Variants in THEMIS observed in about 807,000 individuals in gnomAD.
THEMIS encodes the protein protein THEMIS.
In THEMIS, 37 loss-of-function variants were observed where a neutral mutation model predicts 52.6. The ratio of observed to expected loss-of-function variants is 0.70; its 90% CI spans 0.54 to 0.93. THEMIS has a LOEUF of 0.93. THEMIS is among the 40% of genes least tolerant of loss of function. The pLI, the probability that THEMIS is intolerant of heterozygous loss-of-function variation, is 0.00. For missense variants in THEMIS, 808 were observed against 763.1 expected (o/e 1.06, Z -0.69); for synonymous variants, 292 against 272.7 (o/e 1.07, Z -0.70).
chr6:127,810,447 A>G (rs1019052418), intron 4 of THEMIS, among the ~76,000 whole-genome samples: 1 of 152,184 alleles, frequency 6.6e-6, no homozygotes, highest in African/African-American at 2.4e-5. Flanking sequence ...ATGTGGGCAG[A>G]GCCCTCATTA....
rs187682920 is a variant in THEMIS, at chr6:127,713,807, G to A, written c.1895-3791C>T. Among the ~76,000 whole-genome samples, 336 of 151,924 alleles carry A rather than the reference G, an allele frequency of 2.2e-3. 4 individuals carry two copies. The highest frequency in any genetic ancestry group is 6.8e-3 in the Middle Eastern group (2 of 294). ...CAACATATCCAGAGTAGTGAGAAAG[G>A]AGAAGTAGAGAGGCCACTGGAGGAT... On this transcript the variant is annotated intron_variant, in intron 5 of 5. Coordinates refer to ENST00000368248, the MANE Select transcript of THEMIS (RefSeq NM_001010923.3).
chr6:127,807,328 C>G (rs559605858), intron 4 of THEMIS: 12 of 260,086 alleles, frequency 4.6e-5, no homozygotes, highest in Non-Finnish European at 9.2e-5. Flanking sequence ...CCATTGCACT[C>G]CAGCCTAGGC....
chr6:127,717,290 A>C (rs532581286), intron 5 of THEMIS, among the ~76,000 whole-genome samples: 3 of 152,090 alleles, frequency 2.0e-5, no homozygotes, highest in African/African-American at 7.2e-5. Flanking sequence ...CTCATGGTAT[A>C]TAGCTACCTA....
At chr6:127,827,981 T>C (rs542289241) in intron 3 of THEMIS, among the ~76,000 whole-genome samples, 1 of 152,232 alleles carries the variant, frequency 6.6e-6, no homozygotes, top group East Asian at 1.9e-4. Context: ...TCACACCAAC[T>C]ACACTAGAGC....
intron 1 of THEMIS, among the ~76,000 whole-genome samples, chr6:127,913,396 G>A (rs554845624): frequency 7.4e-4 from 112 of 152,160 alleles, no homozygotes; most frequent in Non-Finnish European, 1.2e-3. Context: ...TTAGGGAAAG[G>A]AGATTTGGGT....
At chr6:127,817,715 G>A (rs571583280) in intron 3 of THEMIS, among the ~76,000 whole-genome samples, 2 of 152,194 alleles carry the variant, frequency 1.3e-5, no homozygotes, top group East Asian at 3.9e-4. Context: ...AATACAAACA[G>A]TCATAGCTCA....
intron 3 of THEMIS, among the ~76,000 whole-genome samples, chr6:127,820,216 CA>C (rs1258367466): frequency 6.6e-6 from 1 of 151,774 alleles, no homozygotes; most frequent in African/African-American, 2.4e-5. Flanking sequence ...ATTAAAATTA[CA>C]GTAGGCAGAA....
At chr6:127,882,965 G>A (rs1212589326) in intron 1 of THEMIS, among the ~76,000 whole-genome samples, 1 of 151,834 alleles carries the variant, frequency 6.6e-6, no homozygotes, top group Non-Finnish European at 1.5e-5. Flanking sequence ...ATCCATAAGA[G>A]TCATGTTCAT....
At chr6:127,913,033 T>C (rs1781445620) in intron 1 of THEMIS, among the ~76,000 whole-genome samples, 1 of 152,186 alleles carries the variant, frequency 6.6e-6, no homozygotes, top group Non-Finnish European at 1.5e-5. Context: ...TGAATTACTT[T>C]TCTCAGGGGT....
At chr6:127,882,711 A>G (rs980786403) in intron 1 of THEMIS, among the ~76,000 whole-genome samples, 2 of 151,844 alleles carry the variant, frequency 1.3e-5, no homozygotes, top group African/African-American at 2.4e-5. Context: ...AAAAATATAA[A>G]TGTTGTAAAT....
At chr6:127,819,775 A>T (rs1031768183) in intron 3 of THEMIS, among the ~76,000 whole-genome samples, 4 of 152,210 alleles carry the variant, frequency 2.6e-5, no homozygotes, top group Non-Finnish European at 5.9e-5. Flanking sequence ...ACCTTGCAAG[A>T]AATATTTCTA....
At chr6:127,822,687 T>C (rs1387830214) in intron 3 of THEMIS, among the ~76,000 whole-genome samples, 1 of 152,174 alleles carries the variant, frequency 6.6e-6, no homozygotes, top group Non-Finnish European at 1.5e-5. Context: ...TACCTAGTTA[T>C]TTATTCAAAC....
intron 5 of THEMIS, among the ~76,000 whole-genome samples, chr6:127,718,900 C>A (rs1774265112): frequency 6.6e-6 from 1 of 151,688 alleles, no homozygotes; most frequent in African/African-American, 2.4e-5. Flanking sequence ...AGCAGAAACA[C>A]TTCAGAGACT....
chr6:127,829,438 C>A, intron 3 of THEMIS, 38 bp downstream of exon 3: 3 of 1,511,448 alleles, frequency 2.0e-6, no homozygotes, highest in Admixed American at 2.0e-5. Flanking sequence ...CCCCATAATG[C>A]TCATGCTCAT....
At chr6:127,730,721 T>A (rs1215514236) in intron 4 of THEMIS, among the ~76,000 whole-genome samples, 1 of 152,146 alleles carries the variant, frequency 6.6e-6, no homozygotes, top group African/African-American at 2.4e-5. Flanking sequence ...GCATATAACA[T>A]CAAAAATATT....
At chr6:127,901,219 C>G, upstream of THEMIS, 1 of 458,910 alleles carries the variant, frequency 2.2e-6, no homozygotes, top group South Asian at 3.3e-5. Context: ...ACAGACACTG[C>G]CCAAAAAATG....
At chr6:127,818,158 G>C (rs1163990000) in intron 3 of THEMIS, among the ~76,000 whole-genome samples, 1 of 152,090 alleles carries the variant, frequency 6.6e-6, no homozygotes, top group Non-Finnish European at 1.5e-5. Context: ...TCTACATAAA[G>C]GAAAGGGAAC....
chr6:127,825,940 A>G (rs780823315), intron 3 of THEMIS, among the ~76,000 whole-genome samples: 1 of 152,184 alleles, frequency 6.6e-6, no homozygotes, highest in Non-Finnish European at 1.5e-5. Flanking sequence ...TATACTCGTT[A>G]TACACCACTT....
At chr6:127,833,152 G>A (rs577520146) in intron 2 of THEMIS, among the ~76,000 whole-genome samples, 207 of 151,722 alleles carry the variant, frequency 1.4e-3, no homozygotes, top group Non-Finnish European at 2.2e-3. Context: ...AAAAAAACAC[G>A]TCACTTAACT....
Sources: allele counts gnomAD v4.1 joint callset (sites outside exome capture counted in the v4.1 genomes callset), GRCh38; gene constraint gnomAD v4.1.1; transcripts MANE v1.5; gene names NCBI Gene and HGNC (gene_info 2026-07-23, HGNC 2026-07-21).